The following CNNM2 variants were observed in gnomAD, a reference collection of about 807,000 sequenced individuals.
CNNM2 encodes the protein metal transporter CNNM2.
In CNNM2, 12 loss-of-function variants were observed where a neutral mutation model predicts 66.9. That is an observed-to-expected ratio of 0.18 (90% confidence interval 0.11 to 0.29). CNNM2 has a LOEUF of 0.29. CNNM2 is among the 10% of genes least tolerant of loss of function. The pLI is 1.00. For missense variants in CNNM2, 705 were observed against 1,167.7 expected, an observed-to-expected ratio of 0.60 and a Z score of 5.77; for synonymous variants, 557 against 501.8, an observed-to-expected ratio of 1.11 and a Z score of -1.47.
intron 2 of CNNM2, among the ~76,000 whole-genome samples, chr10:103,053,429 A>T (rs977801375): frequency 6.6e-6 from 1 of 152,198 alleles, no homozygotes; most frequent in African/African-American, 2.4e-5. Flanking sequence ...AGGTGAGAGG[A>T]TCACTTGAGC....
chr10:103,069,807 G>A (rs926628629), intron 5 of CNNM2, among the ~76,000 whole-genome samples: 6 of 152,168 alleles, frequency 3.9e-5, no homozygotes, highest in East Asian at 1.9e-4. Flanking sequence ...CCACCTTGTG[G>A]CAAAAACACC....
chr10:102,992,522 C>T (rs2063917129), intron 1 of CNNM2, among the ~76,000 whole-genome samples: 1 of 152,082 alleles, frequency 6.6e-6, no homozygotes, highest in Non-Finnish European at 1.5e-5. Flanking sequence ...GATCCTCCCA[C>T]CTCGGCCTCC....
At chr10:103,032,740 A>G (rs1308444567) in intron 1 of CNNM2, among the ~76,000 whole-genome samples, 2 of 147,922 alleles carry the variant, frequency 1.4e-5, no homozygotes, top group African/African-American at 5.0e-5. Flanking sequence ...CGCTAGCTGC[A>G]TAGCATTCTA....
Position 102,920,134 on chromosome 10 carries a change from T to C in CNNM2, c.1621+33T>C. The stretch of plus-strand genomic sequence containing the variant: ...ATTTTGGTCTCTTTCATTGGCTTGC[T>C]CTTTCTCTCTCCATCCTCCTCCCTA... On this transcript the variant is annotated intron_variant, in intron 1 of 7. Coordinates refer to ENST00000369878, the MANE Select transcript of CNNM2 (RefSeq NM_017649.5). The C allele has an allele frequency of 6.2e-7, 1 of 1,614,124 alleles. No individual in the cohort carries two copies. The highest frequency in any genetic ancestry group is 1.6e-4 in the Middle Eastern group (1 of 6,062).
Position 103,078,652 on chromosome 10 carries a change from C to T in CNNM2, c.*1472C>T, listed in dbSNP as rs1354164406. ...GCAGGTTGTTGGCGCTATTCATGCA[C>T]TGAAATGAAATCATACTGACCAGTG... On this transcript the variant is annotated 3_prime_UTR_variant, in exon 8 of 8. Coordinates refer to ENST00000369878, the MANE Select transcript of CNNM2 (RefSeq NM_017649.5). 1 of 152,228 alleles carries T rather than the reference C, an allele frequency of 6.6e-6. No homozygotes were observed. The highest frequency in any genetic ancestry group is 1.5e-5 in the Non-Finnish European group (1 of 68,042). The allele number at this position is 152,228 out of a possible 1,614,324, so 9.4% of individuals were successfully genotyped here.
intron 4 of CNNM2, among the ~76,000 whole-genome samples, chr10:103,059,922 T>C (rs2065356394): frequency 6.6e-6 from 1 of 151,614 alleles, no homozygotes; most frequent in Admixed American, 6.6e-5. Context: ...TAGGATCGTT[T>C]GAGGCCAGAA....
intron 6 of CNNM2, among the ~76,000 whole-genome samples, chr10:103,072,883 C>T (rs539163123): frequency 1.5e-3 from 234 of 152,292 alleles, no homozygotes; most frequent in African/African-American, 5.1e-3. Flanking sequence ...AATGTGTTTG[C>T]GGACTAGGGC....
chr10:103,036,571 C>T (rs191463127), intron 1 of CNNM2, among the ~76,000 whole-genome samples: 12 of 152,236 alleles, frequency 7.9e-5, no homozygotes, highest in South Asian at 2.1e-4. Context: ...CCTCTGCAGA[C>T]GTTTATCAAA....
At chr10:102,956,026 G>A (rs1263937537) in intron 1 of CNNM2, among the ~76,000 whole-genome samples, 2 of 152,154 alleles carry the variant, frequency 1.3e-5, no homozygotes, top group Non-Finnish European at 2.9e-5. Flanking sequence ...GGTGGCTCAC[G>A]CCTGTAATCC....
intron 1 of CNNM2, among the ~76,000 whole-genome samples, chr10:102,992,709 T>C (rs2063920049): frequency 1.3e-5 from 2 of 152,174 alleles, no homozygotes; most frequent in Admixed American, 1.3e-4. Flanking sequence ...CTATTGCTGA[T>C]TCTCAAGCCT....
chr10:102,944,049 T>C (rs1485649805), intron 1 of CNNM2, among the ~76,000 whole-genome samples: 1 of 152,050 alleles, frequency 6.6e-6, no homozygotes, highest in East Asian at 1.9e-4. Flanking sequence ...CATTTCTTAA[T>C]TCTCTTTAAT....
Position 103,088,720 on chromosome 10 carries a change from C to CTGAT in CNNM2, c.*11543_*11546dup, listed in dbSNP as rs1274888422. The CTGAT allele has an allele frequency of 3.9e-5, 7 of 178,256 alleles. No individual in the cohort carries two copies. Among genetic ancestry groups the CTGAT allele is most frequent in the African/African-American group, 1.2e-4 (5 of 42,312 alleles). The allele number at this position is 178,256 out of a possible 1,614,324, so 11.0% of individuals were successfully genotyped here. A position where few individuals can be genotyped will look rare whatever the true frequency, so the allele number is the denominator to read the frequency against. On this transcript the variant is annotated 3_prime_UTR_variant, in exon 8 of 8. Transcript: ENST00000369878. ...AGATTCTGAAGTGAATTTATTCACA[C>CTGAT]TGATTGTGCCCTCTACTTTAGTAAG...
chr10:102,963,522 G>A (rs1041781251), intron 1 of CNNM2, among the ~76,000 whole-genome samples: 12 of 152,192 alleles, frequency 7.9e-5, no homozygotes, highest in Non-Finnish European at 1.8e-4. Flanking sequence ...GATTAAAGCT[G>A]TTCTCCATCT....
At chr10:102,946,002 C>A (rs1461166894) in intron 1 of CNNM2, among the ~76,000 whole-genome samples, 1 of 152,030 alleles carries the variant, frequency 6.6e-6, no homozygotes, top group South Asian at 2.1e-4. Flanking sequence ...CAGACCTCCA[C>A]GTCTCTCCAG....
chr10:103,074,133 C>T (rs2065649415), intron 6 of CNNM2, among the ~76,000 whole-genome samples: 1 of 151,874 alleles, frequency 6.6e-6, no homozygotes, highest in East Asian at 1.9e-4. Context: ...ACTAAAAATA[C>T]AAAAATTAGC....
At chr10:102,957,169 G>T (rs757611036) in intron 1 of CNNM2, among the ~76,000 whole-genome samples, 19 of 152,166 alleles carry the variant, frequency 1.2e-4, no homozygotes, top group Non-Finnish European at 1.9e-4. Context: ...GCCAGGCATG[G>T]TGGCAGGTGC....
chr10:102,962,110 G>A (rs934264968), intron 1 of CNNM2, among the ~76,000 whole-genome samples: 2 of 152,060 alleles, frequency 1.3e-5, no homozygotes, highest in African/African-American at 2.4e-5. Context: ...AAAATTCAGT[G>A]TTGAAATGAG....
chr10:102,981,352 A>G (rs955297835), intron 1 of CNNM2, among the ~76,000 whole-genome samples: 5 of 152,062 alleles, frequency 3.3e-5, no homozygotes, highest in South Asian at 2.1e-4. Flanking sequence ...CAGTCTCAAA[A>G]AAAAACCCCA....
chr10:103,066,321 G>A (rs75563886), intron 4 of CNNM2, among the ~76,000 whole-genome samples: 5 of 152,020 alleles, frequency 3.3e-5, no homozygotes, highest in Admixed American at 6.6e-5. Flanking sequence ...TCTCCCACTC[G>A]TGGTGTCCCT....
Sources: gnomAD v4.1 joint callset for allele counts (sites outside exome capture counted in the v4.1 genomes callset) on GRCh38, gnomAD v4.1.1 for gene constraint, MANE v1.5 for transcripts, NCBI Gene and HGNC (gene_info 2026-07-23, HGNC 2026-07-21) for gene names.